Variants in PPARGC1B observed in about 807,000 individuals in gnomAD.
The protein encoded by PPARGC1B is peroxisome proliferator-activated receptor gamma coactivator 1-beta.
Under a neutral mutation model 101.6 loss-of-function variants are expected in PPARGC1B, and 34 were observed. The ratio of observed to expected loss-of-function variants is 0.33; its 90% CI spans 0.25 to 0.45. The LOEUF is 0.45. PPARGC1B is among the 20% of genes least tolerant of loss of function. The pLI is 1.00. For synonymous variants in PPARGC1B, 548 were observed against 539.3 expected (o/e 1.02, Z -0.22); for missense variants, 1,234 against 1,317.6 (o/e 0.94, Z 0.98).
chr5:149,840,541 A>G (rs534338904), intron 9 of PPARGC1B, among the ~76,000 whole-genome samples: 1 of 152,208 alleles, frequency 6.6e-6, no homozygotes, highest in Non-Finnish European at 1.5e-5. Context: ...CCTCATTTGT[A>G]CGTAAGGGAG....
At chr5:149,855,429 A>C (rs1759922569), downstream of PPARGC1B, among the ~76,000 whole-genome samples, 2 of 152,210 alleles carry the variant, frequency 1.3e-5, no homozygotes, top group African/African-American at 4.8e-5. Context: ...CTGAACAAAG[A>C]CTTCCTTGTT....
Position 149,820,470 on chromosome 5 carries a change from T to C in PPARGC1B, c.116T>C (p.Phe39Ser), listed in dbSNP as rs1277415357. Reference protein sequence around the residue: ...GSGEEQLYADFPELDLSQLDA... With the variant: ...GSGEEQLYADSPELDLSQLDA... The stretch of plus-strand genomic sequence containing the variant: ...GGGGAGGAGCAACTCTATGCTGACT[T>C]TCCAGAACTTGACCTCTCCCAGCTG... The change falls in exon 2 of 12, where the codon TTT (phenylalanine) becomes TCT (serine). Residue 39 changes from phenylalanine (F) to serine (S), a missense_variant. Coordinates refer to ENST00000309241, the MANE Select transcript of PPARGC1B (RefSeq NM_133263.4). 1 of 1,613,904 alleles carries C rather than the reference T, an allele frequency of 6.2e-7. No homozygotes were observed. Among genetic ancestry groups the C allele is most frequent in the Non-Finnish European group, 8.5e-7 (1 of 1,180,012 alleles).
chr5:149,804,214 C>T lies in PPARGC1B; in HGVS notation c.79-16219C>T, dbSNP rs994107094. Among the ~76,000 whole-genome samples, 12 of 152,322 alleles carry T rather than the reference C, an allele frequency of 7.9e-5. No homozygotes were observed. In the East Asian group the frequency reaches 1.5e-3, roughly 20 times the overall value. On this transcript the variant is annotated intron_variant, in intron 1 of 11. Transcript: ENST00000309241. ...ACTGTCCTGGGAAATAGTGCCTCTG[C>T]GCCTCCACCCCACACCCTCCCGTCC...
At chr5:149,735,539 C>T (rs148643479) in intron 1 of PPARGC1B, among the ~76,000 whole-genome samples, 1 of 152,338 alleles carries the variant, frequency 6.6e-6, no homozygotes, top group Non-Finnish European at 1.5e-5. Context: ...TGAGTATCCC[C>T]TATACCCCAT....
intron 10 of PPARGC1B, 60 bp from the exon 11 acceptor site, chr5:149,845,700 G>A: frequency 6.6e-7 from 1 of 1,513,992 alleles, no homozygotes; most frequent in Admixed American, 2.0e-5. Context: ...AGTAATGGGT[G>A]GTCTCACAGT....
intron 1 of PPARGC1B, among the ~76,000 whole-genome samples, chr5:149,764,808 A>T (rs1755842503): frequency 6.6e-6 from 1 of 152,262 alleles, no homozygotes; most frequent in South Asian, 2.1e-4. Context: ...GGGTATAAAG[A>T]TATGGTAACT....
Position 149,841,291 on chromosome 5 carries a change from G to C in PPARGC1B, c.2695-965G>C, listed in dbSNP as rs550418467. Among the ~76,000 whole-genome samples the C allele has an allele frequency of 4.3e-4, 66 of 152,238 alleles. 1 individual carries two copies. Among genetic ancestry groups the C allele is most frequent in the African/African-American group, 1.4e-3 (59 of 41,544 alleles). Reference sequence around the variant, plus strand: ...GAAGACTCAGGGGGACAAGTGTTTGGAGCAGTGGCAGAAAGGAGCTTTATG... The same window carrying C: ...GAAGACTCAGGGGGACAAGTGTTTGCAGCAGTGGCAGAAAGGAGCTTTATG... On this transcript the variant is annotated intron_variant, in intron 9 of 11. Transcript: ENST00000309241.
chr5:149,833,963 A>G lies in PPARGC1B; in HGVS notation c.1705+185A>G, dbSNP rs1446461260. ...TTTGGGCTAGTTGGAGCAGATCTTCAGAAGAACACCTATGCATCTCTGAGT... is the reference window on the plus strand; with the variant it reads ...TTTGGGCTAGTTGGAGCAGATCTTCGGAAGAACACCTATGCATCTCTGAGT... On this transcript the variant is annotated intron_variant, in intron 5 of 11. Coordinates refer to ENST00000309241, the MANE Select transcript of PPARGC1B (RefSeq NM_133263.4). The surrounding 1 kb of genome is among the most constrained non-coding windows in gnomAD (Gnocchi z 4.1). 6.6e-6 allele frequency among the ~76,000 whole-genome samples: 1 copy of G among 152,250 alleles called. No homozygotes were observed. Among genetic ancestry groups the G allele is most frequent in the African/African-American group, 2.4e-5 (1 of 41,472 alleles).
intron 4 of PPARGC1B, among the ~76,000 whole-genome samples, chr5:149,831,755 G>C (rs148764175): frequency 1.3e-5 from 2 of 152,324 alleles, no homozygotes; most frequent in South Asian, 2.1e-4. Context: ...GTCACACTTG[G>C]GGGGAAAGCC....
chr5:149,834,749 A>T (rs1387820750), intron 6 of PPARGC1B, 39 bp downstream of exon 6: 4 of 1,590,042 alleles, frequency 2.5e-6, no homozygotes, highest in Non-Finnish European at 3.5e-6. Context: ...GTTCCATGAG[A>T]TTTTGTCTTG....
intron 3 of PPARGC1B, among the ~76,000 whole-genome samples, chr5:149,828,124 C>T (rs1317692677): frequency 2.0e-5 from 3 of 152,216 alleles, no homozygotes; most frequent in Non-Finnish European, 4.4e-5. Flanking sequence ...AAGACTAGAA[C>T]TCAGGTATTC....
chr5:149,843,184 G>A (rs6880990), intron 10 of PPARGC1B, among the ~76,000 whole-genome samples: 1 of 152,096 alleles, frequency 6.6e-6, no homozygotes, highest in Non-Finnish European at 1.5e-5. Flanking sequence ...CAGGCCTTTT[G>A]TTCTACTAGG....
chr5:149,767,011 C>G (rs1024944455), intron 1 of PPARGC1B, among the ~76,000 whole-genome samples: 2 of 152,190 alleles, frequency 1.3e-5, no homozygotes, highest in Non-Finnish European at 2.9e-5. Flanking sequence ...AGATGAGGAC[C>G]AGGTCCCTGC....
rs541023064 is a variant in PPARGC1B, at chr5:149,737,845, T to C, written c.78+7425T>C. Among the ~76,000 whole-genome samples the C allele has an allele frequency of 5.3e-5, 8 of 152,154 alleles. No homozygotes were observed. The East Asian group carries it at 7.7e-4, about 15-fold the overall frequency. On this transcript the variant is annotated intron_variant, in intron 1 of 11. Coordinates refer to ENST00000309241, the MANE Select transcript of PPARGC1B (RefSeq NM_133263.4). ...CGCGTCTCTACTAAAAATACAAAAA[T>C]TAGCCGGGCATGGTGGCGCATGCCT...
At chr5:149,839,794 C>T (rs552603755) in intron 8 of PPARGC1B, among the ~76,000 whole-genome samples, 1 of 152,162 alleles carries the variant, frequency 6.6e-6, no homozygotes, top group South Asian at 2.1e-4. Flanking sequence ...TAATGAGCAA[C>T]ACAGTGGTTC....
intron 1 of PPARGC1B, among the ~76,000 whole-genome samples, chr5:149,737,372 T>C (rs1350621078): frequency 6.6e-6 from 1 of 152,168 alleles, no homozygotes; most frequent in Non-Finnish European, 1.5e-5. Flanking sequence ...TTTGGGATCC[T>C]GTACCTCCCC....
chr5:149,753,839 G>A (rs1371235716), intron 1 of PPARGC1B, among the ~76,000 whole-genome samples: 4 of 151,916 alleles, frequency 2.6e-5, no homozygotes, highest in African/African-American at 9.7e-5. Flanking sequence ...GATTACAGGT[G>A]CCTGCCACCA....
intron 1 of PPARGC1B, among the ~76,000 whole-genome samples, chr5:149,756,345 G>A (rs1383307227): frequency 1.3e-5 from 2 of 152,046 alleles, no homozygotes; most frequent in Admixed American, 6.6e-5. Flanking sequence ...CCAGCTACTT[G>A]GGAGGCTGAG....
chr5:149,805,226 A>G (rs1318777057), intron 1 of PPARGC1B, among the ~76,000 whole-genome samples: 1 of 152,180 alleles, frequency 6.6e-6, no homozygotes, highest in Non-Finnish European at 1.5e-5. Flanking sequence ...CTGCTCAGAC[A>G]CCCTGAGTGG....
Sources: allele counts gnomAD v4.1 joint callset (sites outside exome capture counted in the v4.1 genomes callset), GRCh38; gene constraint gnomAD v4.1.1; non-coding constraint Gnocchi (gnomAD v3.1); transcripts MANE v1.5; gene names NCBI Gene and HGNC (gene_info 2026-07-23, HGNC 2026-07-21).